Variants in DSCAM observed in about 807,000 individuals in gnomAD.
The protein encoded by DSCAM is DS cell adhesion molecule, also known as cell adhesion molecule DSCAM.
A neutral mutation model predicts 217.7 loss-of-function variants in DSCAM; 47 were observed. The ratio of observed to expected loss-of-function variants is 0.22; its 90% CI spans 0.17 to 0.28. The LOEUF (loss-of-function observed/expected upper bound fraction) is 0.28. Ranked by LOEUF, DSCAM falls within the 10% of genes least tolerant of loss-of-function variation. DSCAM has a pLI of 1.00. For synonymous variants in DSCAM, 1,056 were observed against 1,015.3 expected (o/e 1.04, Z -0.76); for missense variants, 2,080 against 2,618.3 (o/e 0.79, Z 4.49).
chr21:40,652,833 G>A (rs1430715439), intron 3 of DSCAM, among the ~76,000 whole-genome samples: 3 of 152,218 alleles, frequency 2.0e-5, no homozygotes, highest in African/African-American at 7.2e-5. Context: ...TATGACGAGT[G>A]TCTGTTTTTA....
At chr21:40,670,340 A>G (rs1374426606) in intron 3 of DSCAM, among the ~76,000 whole-genome samples, 1 of 151,372 alleles carries the variant, frequency 6.6e-6, no homozygotes, top group African/African-American at 2.4e-5. Flanking sequence ...TATCAAGACC[A>G]TCCTGGCCAA....
chr21:40,257,223 G>T (rs2073384566), intron 11 of DSCAM, among the ~76,000 whole-genome samples: 1 of 152,116 alleles, frequency 6.6e-6, no homozygotes, highest in African/African-American at 2.4e-5. Context: ...CATATGCACT[G>T]GCCTAGTATT....
At chr21:40,047,203 G>T (rs1310012824) in intron 30 of DSCAM, among the ~76,000 whole-genome samples, 1 of 151,962 alleles carries the variant, frequency 6.6e-6, no homozygotes, top group African/African-American at 2.4e-5. Context: ...TTAATAATTT[G>T]GTTTTTGGAG....
At chr21:40,834,054 C>T (rs902970990) in intron 1 of DSCAM, among the ~76,000 whole-genome samples, 7 of 152,192 alleles carry the variant, frequency 4.6e-5, no homozygotes, top group Admixed American at 6.5e-5. Context: ...AAGAACACAG[C>T]TTGTCCGGTG....
At chr21:40,576,909 T>C (rs2076855339) in intron 3 of DSCAM, among the ~76,000 whole-genome samples, 1 of 151,718 alleles carries the variant, frequency 6.6e-6, no homozygotes, top group South Asian at 2.1e-4. Flanking sequence ...CCAGGCGAGT[T>C]AGAGAAAACG....
chr21:40,163,435 T>C (rs1440566202), intron 16 of DSCAM, among the ~76,000 whole-genome samples: 2 of 152,212 alleles, frequency 1.3e-5, no homozygotes, highest in Non-Finnish European at 2.9e-5. Flanking sequence ...TGAAACTTTA[T>C]TGTCATTTAC....
intron 3 of DSCAM, among the ~76,000 whole-genome samples, chr21:40,376,964 G>T (rs985979877): frequency 6.6e-6 from 1 of 151,858 alleles, no homozygotes; most frequent in Admixed American, 6.6e-5. Flanking sequence ...TTGGAAATAG[G>T]GTCAGTCACT....
At chr21:40,147,616 C>A (rs1303012503) in intron 16 of DSCAM, among the ~76,000 whole-genome samples, 1 of 152,170 alleles carries the variant, frequency 6.6e-6, no homozygotes, top group Non-Finnish European at 1.5e-5. Context: ...AAGTAAACAA[C>A]CACCATTTCT....
chr21:40,803,687 T>C (rs778296081), intron 1 of DSCAM, among the ~76,000 whole-genome samples: 2 of 152,062 alleles, frequency 1.3e-5, no homozygotes, highest in Non-Finnish European at 2.9e-5. Context: ...ATATATAGAA[T>C]ATACTGGCAT....
intron 3 of DSCAM, among the ~76,000 whole-genome samples, chr21:40,544,323 G>A (rs986650053): frequency 1.3e-5 from 2 of 152,182 alleles, no homozygotes; most frequent in African/African-American, 2.4e-5. Flanking sequence ...GTACTAAGTT[G>A]AGCGGTGTCA....
intron 1 of DSCAM, among the ~76,000 whole-genome samples, chr21:40,792,120 A>C (rs951674538): frequency 6.3e-5 from 8 of 127,018 alleles, no homozygotes; most frequent in Non-Finnish European, 1.3e-4. Flanking sequence ...CCGGTGTCCT[A>C]ATCTCTTCTT....
At chr21:40,361,802 G>A (rs2074769024) in intron 4 of DSCAM, among the ~76,000 whole-genome samples, 1 of 152,118 alleles carries the variant, frequency 6.6e-6, no homozygotes, top group Admixed American at 6.5e-5. Flanking sequence ...CAGCTCAAAA[G>A]TGGCTAGCTT....
At chr21:40,516,109 T>C (rs2076297242) in intron 3 of DSCAM, among the ~76,000 whole-genome samples, 1 of 150,712 alleles carries the variant, frequency 6.6e-6, no homozygotes, top group South Asian at 2.1e-4. Context: ...TATTCTTTTA[T>C]CTCCCCCACC....
At chr21:40,518,001 T>C (rs142349221) in intron 3 of DSCAM, among the ~76,000 whole-genome samples, 1 of 152,150 alleles carries the variant, frequency 6.6e-6, no homozygotes, top group East Asian at 1.9e-4. Flanking sequence ...TTCTGGCCTC[T>C]GCAGACTCTT....
Position 40,353,576 on chromosome 21 carries a change from C to A in DSCAM, c.823G>T (p.Val275Leu), listed in dbSNP as rs150090584. ...ATGTTCTCAATGAGCAGCCCCGTCACGGTCTTCTGGAACCTCCCTGAAAGT... is the reference window on the plus strand; with the variant it reads ...ATGTTCTCAATGAGCAGCCCCGTCAAGGTCTTCTGGAACCTCCCTGAAAGT... ...LELSGRFQKT[V>L]TGLLIENIRP... Residue 275 changes from valine to leucine, a missense_variant, in exon 5 of 33, where the codon GTG becomes TTG. Coordinates refer to ENST00000400454, the MANE Select transcript of DSCAM (RefSeq NM_001389.5). 28 of 1,610,422 alleles carry A rather than the reference C, an allele frequency of 1.7e-5. No homozygotes were observed. Among genetic ancestry groups the A allele is most frequent in the Non-Finnish European group, 2.2e-5 (26 of 1,179,150 alleles).
chr21:40,766,540 G>A (rs923460334), intron 1 of DSCAM, among the ~76,000 whole-genome samples: 9 of 151,698 alleles, frequency 5.9e-5, no homozygotes, highest in Non-Finnish European at 1.2e-4. Flanking sequence ...TTTACTGAAA[G>A]AAAATGCTTG....
intron 11 of DSCAM, among the ~76,000 whole-genome samples, chr21:40,235,968 C>T (rs1208914747): frequency 6.6e-6 from 1 of 152,116 alleles, no homozygotes; most frequent in Non-Finnish European, 1.5e-5. Context: ...TGCCAAAGCC[C>T]CAGGTGATGA....
chr21:40,781,992 CAA>C (rs57750960), intron 1 of DSCAM, among the ~76,000 whole-genome samples: 1 of 106,400 alleles, frequency 9.4e-6, no homozygotes, highest in Non-Finnish European at 1.7e-5. Context: ...ACTAAAAATA[CAA>C]AAAAAAAAAA....
At chr21:40,779,536 G>C (rs2091521031) in intron 1 of DSCAM, among the ~76,000 whole-genome samples, 1 of 152,220 alleles carries the variant, frequency 6.6e-6, no homozygotes, top group South Asian at 2.1e-4. Context: ...GGGAATAAGA[G>C]AGGCGAAGCT....
Sources: gnomAD v4.1 joint callset for allele counts (sites outside exome capture counted in the v4.1 genomes callset) on GRCh38, gnomAD v4.1.1 for gene constraint, MANE v1.5 for transcripts, NCBI Gene and HGNC (gene_info 2026-07-23, HGNC 2026-07-21) for gene names.